SUSD1: variants seen among roughly 807,000 people sequenced by gnomAD.
SUSD1 encodes sushi domain-containing protein 1.
In SUSD1, 65 loss-of-function variants were observed where a neutral mutation model predicts 86.9. The ratio of observed to expected loss-of-function variants is 0.75; its 90% CI spans 0.61 to 0.92. The LOEUF (loss-of-function observed/expected upper bound fraction) is 0.92. SUSD1 is among the 40% of genes least tolerant of loss of function. SUSD1 has a pLI of 0.00. For missense variants in SUSD1, 850 were observed against 929.7 expected, an observed-to-expected ratio of 0.91 and a Z score of 1.11; for synonymous variants, 346 against 350.0, an observed-to-expected ratio of 0.99 and a Z score of 0.13.
intron 5 of SUSD1, among the ~76,000 whole-genome samples, chr9:112,126,223 A>G (rs974299207): frequency 2.0e-5 from 3 of 152,226 alleles, no homozygotes; most frequent in Non-Finnish European, 4.4e-5. Context: ...TAGAGGGGAC[A>G]TCACTAAAGA....
At chr9:112,161,490 T>C (rs1299225034) in intron 1 of SUSD1, among the ~76,000 whole-genome samples, 1 of 151,764 alleles carries the variant, frequency 6.6e-6, no homozygotes, top group Non-Finnish European at 1.5e-5. Flanking sequence ...CCTACAATGA[T>C]GAACATATGA....
chr9:112,099,015 T>TTCTCTCTCTCTCTCTCTC, intron 9 of SUSD1, among the ~76,000 whole-genome samples: 1 of 145,994 alleles, frequency 6.8e-6, no homozygotes, highest in East Asian at 2.0e-4. Context: ...GAATACTTCG[T>TTCTCTCTCTCTCTCTCTC]TCTCTCTCTC....
intron 14 of SUSD1, among the ~76,000 whole-genome samples, chr9:112,054,078 T>C (rs1469312446): frequency 6.6e-6 from 1 of 152,080 alleles, no homozygotes; most frequent in Non-Finnish European, 1.5e-5. Flanking sequence ...CTGGGACAGA[T>C]ACACAAAGGG....
At chr9:112,052,164 T>TCC in intron 15 of SUSD1, 15 of 1,455,510 alleles carry the variant, frequency 1.0e-5, no homozygotes, top group Non-Finnish European at 1.3e-5. Flanking sequence ...CGGTGTTGAG[T>TCC]CCCCAGTCCC....
At chr9:112,061,207 C>T (rs1415007837) in intron 13 of SUSD1, among the ~76,000 whole-genome samples, 1 of 152,166 alleles carries the variant, frequency 6.6e-6, no homozygotes, top group Non-Finnish European at 1.5e-5. Context: ...TCCCAGGGAC[C>T]TTGCTCCATT....
intron 5 of SUSD1, among the ~76,000 whole-genome samples, chr9:112,138,282 A>T (rs1477580147): frequency 1.4e-3 from 18 of 13,092 alleles, no homozygotes; most frequent in South Asian, 4.5e-3. Flanking sequence ...TATATATATG[A>T]AGTCCAGGAT....
At chr9:112,076,739 C>A (rs562359261) in intron 12 of SUSD1, among the ~76,000 whole-genome samples, 5 of 152,014 alleles carry the variant, frequency 3.3e-5, no homozygotes, top group African/African-American at 4.8e-5. Context: ...GAAAAGGAGG[C>A]TGAAGAGGGG....
intron 5 of SUSD1, among the ~76,000 whole-genome samples, chr9:112,127,600 T>G (rs1831832894): frequency 6.6e-6 from 1 of 152,148 alleles, no homozygotes; most frequent in African/African-American, 2.4e-5. Context: ...GTTTATTTAT[T>G]CCTGTCTATT....
intron 8 of SUSD1, chr9:112,103,075 C>T (rs770626399): frequency 1.3e-4 from 51 of 407,930 alleles, no homozygotes; most frequent in Non-Finnish European, 2.2e-4. Flanking sequence ...TGCATGTTTT[C>T]TACCAATGAG....
At chr9:112,073,315 A>G (rs1272323002) in intron 12 of SUSD1, among the ~76,000 whole-genome samples, 1 of 152,154 alleles carries the variant, frequency 6.6e-6, no homozygotes, top group Non-Finnish European at 1.5e-5. Context: ...ATGGGAATAA[A>G]TAATTTCCTT....
chr9:112,078,745 C>G lies in SUSD1; in HGVS notation c.1567-21G>C, dbSNP rs774340259. ...TGGAACTGAAACATAAAAAAGCTCA[C>G]TGGGTGAATGGTTGGCCTAAAAGGC... On this transcript the variant is annotated intron_variant, in intron 11 of 16. Transcript: ENST00000374270. 1.9e-6 allele frequency: 3 copies of G among 1,604,626 alleles called. No homozygotes were observed. The African/African-American group carries it at 4.0e-5, about 21-fold the overall frequency.
chr9:112,089,737 G>T (rs548748761), intron 10 of SUSD1, among the ~76,000 whole-genome samples: 1 of 151,306 alleles, frequency 6.6e-6, no homozygotes, highest in Non-Finnish European at 1.5e-5. Context: ...GCTCGAACCC[G>T]GGAGGCGGAA....
Position 112,041,930 on chromosome 9 carries a change from C to A in SUSD1, c.2180G>T (p.Gly727Val). ...DSSLMLLQMA[G>V]VGLGSLAVVI... ...AACAGCCAGGGAACCCAGTCCAACA[C>A]CCGCCATCTGCAGCAGCATGAGTGA... is the stretch of plus-strand genomic sequence containing the variant. The change falls in exon 16 of 17, where the codon GGT becomes GTT. Residue 727 changes from glycine (G) to valine (V), a missense_variant. Physicochemically the swap from Gly to Val is moderately radical, Grantham distance 109. Coordinates refer to ENST00000374270, the MANE Select transcript of SUSD1 (RefSeq NM_022486.5). The A allele has an allele frequency of 6.2e-7, 1 of 1,614,058 alleles. No individual in the cohort carries two copies. The highest frequency in any genetic ancestry group is 1.7e-5 in the Admixed American group (1 of 60,022).
At position 112,120,301 on chromosome 9, in the gene SUSD1, CCAA is replaced by C. The variant is rs529016642; in HGVS notation, c.886+3953_886+3955del. 9.1e-4 allele frequency among the ~76,000 whole-genome samples: 139 copies of C among 152,014 alleles called. 1 individual carries two copies. The highest frequency in any genetic ancestry group is 1.4e-3 in the Non-Finnish European group (95 of 67,970). On this transcript the variant is annotated intron_variant, in intron 6 of 16. Coordinates refer to ENST00000374270, the MANE Select transcript of SUSD1 (RefSeq NM_022486.5). ...TGGGTGACAGAGTGAGACTCCATCT[CCAA>C]CAACAACAACAAAATACACAGAGAC...
chr9:112,097,143 T>A (rs773544319), intron 10 of SUSD1, among the ~76,000 whole-genome samples: 3 of 151,946 alleles, frequency 2.0e-5, no homozygotes, highest in Non-Finnish European at 2.9e-5. Flanking sequence ...CTGGCCAACA[T>A]GGTGAAACCC....
At chr9:112,149,976 G>C (rs1156619269) in intron 2 of SUSD1, among the ~76,000 whole-genome samples, 3 of 152,356 alleles carry the variant, frequency 2.0e-5, no homozygotes, top group East Asian at 3.9e-4. Flanking sequence ...CTGGAACATG[G>C]ATGCTCGATG....
intron 12 of SUSD1, among the ~76,000 whole-genome samples, chr9:112,075,337 G>A (rs1829470559): frequency 6.6e-6 from 1 of 152,074 alleles, no homozygotes; most frequent in Admixed American, 6.6e-5. Flanking sequence ...ACCCACTGAG[G>A]GTTGAATGTA....
chr9:112,167,146 G>C (rs1392142481), intron 1 of SUSD1, among the ~76,000 whole-genome samples: 3 of 151,478 alleles, frequency 2.0e-5, no homozygotes, highest in African/African-American at 7.3e-5. Context: ...ACCCAGGCTA[G>C]AGTGTAGTGG....
At chr9:112,169,341 T>A (rs1033394647) in intron 1 of SUSD1, 1 of 150,584 alleles carries the variant, frequency 6.6e-6, no homozygotes, top group African/African-American at 2.4e-5. Flanking sequence ...CAGTTACAGA[T>A]CAAACTTCTC....
Sources: gnomAD v4.1 joint callset for allele counts (sites outside exome capture counted in the v4.1 genomes callset) on GRCh38, gnomAD v4.1.1 for gene constraint, MANE v1.5 for transcripts, NCBI Gene and HGNC (gene_info 2026-07-23, HGNC 2026-07-21) for gene names.